RPH3AL: variants seen among roughly 807,000 people sequenced by gnomAD.
RPH3AL encodes rab effector Noc2.
Under a neutral mutation model 43.1 loss-of-function variants are expected in RPH3AL, and 38 were observed. The observed-to-expected ratio is 0.88, with a 90% CI of 0.68 to 1.15. RPH3AL has a LOEUF of 1.15. Among genes scored for constraint, RPH3AL ranks in the 50% most tolerant of loss-of-function variants. RPH3AL has a pLI of 0.00. For synonymous variants in RPH3AL, 189 were observed against 176.3 expected (o/e 1.07, Z -0.57); for missense variants, 462 against 423.2 (o/e 1.09, Z -0.81).
chr17:319,138 G>A (rs997547270), intron 5 of RPH3AL, among the ~76,000 whole-genome samples: 1 of 152,210 alleles, frequency 6.6e-6, no homozygotes, highest in African/African-American at 2.4e-5. Context: ...TAGCAGAAGA[G>A]CTAGATTCAC....
intron 6 of RPH3AL, among the ~76,000 whole-genome samples, chr17:276,484 C>CG (rs2042658520): frequency 6.6e-6 from 1 of 152,336 alleles, no homozygotes; most frequent in Middle Eastern, 3.4e-3. Context: ...CTCCACCCCC[C>CG]GGGCAGAAGT....
rs181809398 is a variant in RPH3AL, at chr17:267,563, C to T, written c.438+14205G>A. On this transcript the variant is annotated intron_variant, in intron 6 of 9. Coordinates refer to ENST00000331302, the MANE Select transcript of RPH3AL (RefSeq NM_006987.4). ...AAGCCAAAGTGAAACCCTGTCTGGG[C>T]TGACCCCAATCGGCAGGGCTCGAGG... 5.6e-4 allele frequency among the ~76,000 whole-genome samples: 85 copies of T among 152,352 alleles called. 1 individual carries two copies. Among genetic ancestry groups the T allele is most frequent in the Non-Finnish European group, 1.2e-4 (8 of 68,024 alleles).
chr17:332,124 T>C, intron 2 of RPH3AL: 1 of 349,978 alleles, frequency 2.9e-6, no homozygotes, highest in Non-Finnish European at 5.6e-6. Context: ...ACAGGGCTGG[T>C]GGAGCTCTGC....
In RPH3AL at chr17:323,176, G is replaced by A. The variant is rs2044526942; in HGVS notation, c.78-1761C>T. Among the ~76,000 whole-genome samples, 1 of 152,092 alleles carries A rather than the reference G, an allele frequency of 6.6e-6. No individual in the cohort carries two copies. The highest frequency in any genetic ancestry group is 2.4e-5 in the African/African-American group (1 of 41,404). ...AAGGAGGGAGGCGGGTTCAGGCAGA[G>A]GAGATCACACACGAAAGGCAGGGGG... is the stretch of plus-strand genomic sequence containing the variant. On this transcript the variant is annotated intron_variant, in intron 3 of 9. Transcript: ENST00000331302. The surrounding 1 kb of genome is among the most constrained non-coding windows in gnomAD (Gnocchi z 4.4).
chr17:261,135 T>C (rs2042186124), intron 6 of RPH3AL, among the ~76,000 whole-genome samples: 1 of 152,132 alleles, frequency 6.6e-6, no homozygotes, highest in Non-Finnish European at 1.5e-5. Context: ...CCCATCCAAA[T>C]TGCAAGGCTT....
intron 1 of RPH3AL, among the ~76,000 whole-genome samples, chr17:337,226 G>A (rs1324392073): frequency 6.6e-6 from 1 of 151,718 alleles, no homozygotes; most frequent in African/African-American, 2.4e-5. Context: ...CGTGATCCTC[G>A]CATCAGCCTC....
rs1252043664 is a variant in RPH3AL at position 264,091 on chromosome 17, G to T, written c.439-16806C>A. ...GATTTTGGCCGCGTGCGACAAGCCG[G>T]ACTCTCCAAGAGCCTTGGACCCACA... is the stretch of plus-strand genomic sequence containing the variant. On this transcript the variant is annotated intron_variant, in intron 6 of 9. Coordinates refer to ENST00000331302, the MANE Select transcript of RPH3AL (RefSeq NM_006987.4). The surrounding 1 kb of genome is among the most constrained non-coding windows in gnomAD (Gnocchi z 4.8). 1.3e-5 allele frequency among the ~76,000 whole-genome samples: 2 copies of T among 152,208 alleles called. No homozygotes were observed. Among genetic ancestry groups the T allele is most frequent in the African/African-American group, 4.8e-5 (2 of 41,442 alleles).
chr17:244,634 C>G (rs1398110876), intron 7 of RPH3AL, among the ~76,000 whole-genome samples: 1 of 152,124 alleles, frequency 6.6e-6, no homozygotes, highest in Non-Finnish European at 1.5e-5. Context: ...GGGTGGTTTT[C>G]ACAGCCTCCG....
At chr17:227,057 C>T (rs1302927599) in intron 7 of RPH3AL, among the ~76,000 whole-genome samples, 4 of 152,192 alleles carry the variant, frequency 2.6e-5, no homozygotes, top group Admixed American at 1.3e-4. Flanking sequence ...CGGGTGCCGC[C>T]GAGAGGCAGG....
At chr17:317,599 G>C (rs181051003) in intron 5 of RPH3AL, among the ~76,000 whole-genome samples, 1 of 151,966 alleles carries the variant, frequency 6.6e-6, no homozygotes, top group Non-Finnish European at 1.5e-5. Flanking sequence ...GGAGGAGCCC[G>C]CACAGTCTTA....
chr17:316,799 T>C (rs1245688171), intron 5 of RPH3AL, among the ~76,000 whole-genome samples: 10 of 111,426 alleles, frequency 9.0e-5, no homozygotes, highest in East Asian at 2.5e-4. Context: ...CATTGACCTG[T>C]AGTCCCTGTG....
Position 225,595 on chromosome 17 carries a change from C to T in RPH3AL, c.614-5859G>A, listed in dbSNP as rs1476476444. On this transcript the variant is annotated intron_variant, in intron 7 of 9. Coordinates refer to ENST00000331302, the MANE Select transcript of RPH3AL (RefSeq NM_006987.4). This position sits in a 1 kb window ranked among gnomAD's most constrained non-coding sequence, Gnocchi z 4.4. ...TGAAATTAGAGGCCTGTGGCTCACACTTCCCGGGAGCAGGGAGGTGTCCAG... is the reference window on the plus strand; with the variant it reads ...TGAAATTAGAGGCCTGTGGCTCACATTTCCCGGGAGCAGGGAGGTGTCCAG... Among the ~76,000 whole-genome samples, 1 of 152,206 alleles carries T rather than the reference C, an allele frequency of 6.6e-6. No homozygotes were observed. Among genetic ancestry groups the T allele is most frequent in the Non-Finnish European group, 1.5e-5 (1 of 68,024 alleles).
chr17:220,126 T>C (rs201783821), intron 7 of RPH3AL, among the ~76,000 whole-genome samples: 4 of 142,996 alleles, frequency 2.8e-5, no homozygotes, highest in Non-Finnish European at 4.7e-5. Context: ...ACTGAGACAA[T>C]AGACCCAAGA....
intron 5 of RPH3AL, among the ~76,000 whole-genome samples, chr17:308,662 T>C (rs2043561358): frequency 6.6e-6 from 1 of 152,190 alleles, no homozygotes; most frequent in Admixed American, 6.5e-5. Context: ...GGATGAACCT[T>C]GAAAGCATTA....
At chr17:305,534 A>T (rs1598056819) in intron 5 of RPH3AL, among the ~76,000 whole-genome samples, 1 of 152,134 alleles carries the variant, frequency 6.6e-6, no homozygotes, top group African/African-American at 2.4e-5. Flanking sequence ...ACATCGGGTG[A>T]CCTGACCACA....
intron 1 of RPH3AL, among the ~76,000 whole-genome samples, chr17:337,384 C>T (rs751312750): frequency 9.9e-5 from 15 of 152,178 alleles, no homozygotes; most frequent in African/African-American, 1.7e-4. Context: ...TATGGGAGTA[C>T]GCCACGACAC....
intron 6 of RPH3AL, among the ~76,000 whole-genome samples, chr17:272,857 A>G (rs1406667644): frequency 6.6e-6 from 1 of 151,870 alleles, no homozygotes; most frequent in Non-Finnish European, 1.5e-5. Flanking sequence ...CAAGCAGGAG[A>G]GAGGGGCCAG....
intron 5 of RPH3AL, among the ~76,000 whole-genome samples, chr17:313,733 G>A (rs188992110): frequency 2.6e-5 from 4 of 152,176 alleles, no homozygotes; most frequent in South Asian, 2.1e-4. Context: ...TCACGGCGTC[G>A]GCAGGACCCA....
intron 6 of RPH3AL, among the ~76,000 whole-genome samples, chr17:263,544 C>T (rs2042250095): frequency 1.3e-5 from 2 of 152,178 alleles, no homozygotes; most frequent in South Asian, 2.1e-4. Context: ...TTTTTAAAAC[C>T]ATATGATGTG....
Sources: gnomAD v4.1 joint callset for allele counts (sites outside exome capture counted in the v4.1 genomes callset) on GRCh38, gnomAD v4.1.1 for gene constraint, Gnocchi (gnomAD v3.1) non-coding constraint, MANE v1.5 for transcripts, NCBI Gene and HGNC (gene_info 2026-07-23, HGNC 2026-07-21) for gene names.